The following SERPINA7 variants were observed in gnomAD, a reference collection of about 807,000 sequenced individuals.
SERPINA7 encodes the protein thyroxine-binding globulin.
Under a neutral mutation model 16.0 loss-of-function variants are expected in SERPINA7, and 14 were observed. The ratio of observed to expected loss-of-function variants is 0.88; its 90% CI spans 0.58 to 1.37. The LOEUF (loss-of-function observed/expected upper bound fraction) is 1.37, where lower values mean the gene tolerates loss of function less well. SERPINA7 is among the 40% of genes most tolerant of loss of function. The probability of loss-of-function intolerance (pLI) is 0.00; values close to 1 mark genes in which losing one functional copy is unlikely to be tolerated. For missense variants in SERPINA7, 335 were observed against 296.6 expected (o/e 1.13, Z -0.95); for synonymous variants, 140 against 111.0 (o/e 1.26, Z -1.65).
intron 2 of SERPINA7, 146 bp from the exon 3 acceptor site, chrX:106,035,531 T>A: frequency 1.8e-6 from 1 of 571,158 alleles, no homozygotes; most frequent in Non-Finnish European, 2.8e-6. Context: ...TGACTGAGGA[T>A]CAGGCAGAGA....
chrX:106,036,337 G>T, intron 2 of SERPINA7, 100 bp downstream of exon 2: 1 of 887,675 alleles, frequency 1.1e-6, no homozygotes, highest in Non-Finnish European at 1.6e-6. Flanking sequence ...TGGTATGAGG[G>T]ACACCTACTG....
chrX:106,036,885 A>C lies in SERPINA7; in HGVS notation c.174T>G (p.Thr58=), dbSNP rs778804557. Residue 58 remains threonine, a synonymous_variant, in exon 2 of 5, where the codon ACT becomes ACG. Coordinates refer to ENST00000372563, the MANE Select transcript of SERPINA7 (RefSeq NM_000354.6). ...DFAFNLYRRF[T]VETPDKNIFF... ...AGATGTTCTTATCTGGGGTCTCCAC[A>C]GTGAACCTCCGGTACAGATTGAATG... 1 of 1,211,202 alleles carries C rather than the reference A, an allele frequency of 8.3e-7. No homozygotes were observed. Among genetic ancestry groups the C allele is most frequent in the Non-Finnish European group, 1.1e-6 (1 of 895,100 alleles).
At position 106,033,166 on chromosome X, in the gene SERPINA7, T is replaced by A. The variant is rs1342976561; in HGVS notation, c.*334A>T. The A allele has an allele frequency of 1.1e-5, 3 of 283,712 alleles. No homozygotes were observed. The South Asian group carries it at 1.3e-4, about 12-fold the overall frequency. The allele number at this position is 283,712 out of a possible 1,213,427, so 23.4% of individuals were successfully genotyped here. A position where few individuals can be genotyped will look rare whatever the true frequency, so the allele number is the denominator to read the frequency against. On this transcript the variant is annotated 3_prime_UTR_variant, in exon 5 of 5. Transcript: ENST00000372563. ...CTGGGATACGAAGACCTGACCTGCTTTTTAGCTATTCCCCAGAAGACAGAA... is the reference window on the plus strand; with the variant it reads ...CTGGGATACGAAGACCTGACCTGCTATTTAGCTATTCCCCAGAAGACAGAA...
rs1030273546 is a variant in SERPINA7, at chrX:106,034,473, C to A, written c.897-91G>T. On this transcript the variant is annotated intron_variant, in intron 3 of 4. Coordinates refer to ENST00000372563, the MANE Select transcript of SERPINA7 (RefSeq NM_000354.6). ...TCTCTCATGATGGTATTATATTGGA[C>A]TCTGCTTCTTCCCTGAGTATTGATA... The A allele has an allele frequency of 7.8e-5, 63 of 804,971 alleles. No homozygotes were observed. The African/African-American group carries it at 1.3e-3, about 16-fold the overall frequency. 66.3% of individuals were successfully genotyped at this position (804,971 alleles called of 1,213,427 possible). A position where few individuals can be genotyped will look rare whatever the true frequency, so the allele number is the denominator to read the frequency against.
rs1490972173 is a variant in SERPINA7, at chrX:106,034,980, G to A, written c.896+132C>T. 7.6e-6 allele frequency: 6 copies of A among 784,963 alleles called. No homozygotes were observed. The East Asian group carries it at 1.9e-4, about 25-fold the overall frequency. The allele number at this position is 784,963 out of a possible 1,213,427, so 64.7% of individuals were successfully genotyped here. Reference sequence around the variant, plus strand: ...GGGCCTGGTAGACAGTATTTTCTTGGCATATTCTAGTGATCATACATAGCT... The same window carrying A: ...GGGCCTGGTAGACAGTATTTTCTTGACATATTCTAGTGATCATACATAGCT... On this transcript the variant is annotated intron_variant, in intron 3 of 4. Transcript: ENST00000372563.
At chrX:106,034,955 G>C (rs1470715548) in intron 3 of SERPINA7, among the ~76,000 whole-genome samples, 157 bp downstream of exon 3, 2 of 112,052 alleles carry the variant, frequency 1.8e-5, no homozygotes, top group Non-Finnish European at 3.8e-5. Flanking sequence ...GCCCAGCCAA[G>C]GGCCTGGTAG....
intron 1 of SERPINA7, among the ~76,000 whole-genome samples, chrX:106,037,824 T>C (rs749436243): frequency 2.2e-4 from 25 of 112,068 alleles, no homozygotes; most frequent in Non-Finnish European, 1.5e-4. Context: ...CCTATGCATG[T>C]TACTTTTAAT....
intron 1 of SERPINA7, chrX:106,037,402 C>A (rs899661742): frequency 2.6e-5 from 6 of 226,912 alleles, no homozygotes; most frequent in Non-Finnish European, 4.7e-5. Flanking sequence ...GAACTAGAGG[C>A]AGCCTTTTGG....
In SERPINA7 at chrX:106,032,655, T is replaced by A; in HGVS notation, c.*845A>T. ...TTTGGTAGGTGGTAATGAGTTGGCATGTACAGGTAGAGGGAAGGTTGTTGA... is the reference window on the plus strand; with the variant it reads ...TTTGGTAGGTGGTAATGAGTTGGCAAGTACAGGTAGAGGGAAGGTTGTTGA... On this transcript the variant is annotated 3_prime_UTR_variant, in exon 5 of 5. Transcript: ENST00000372563. 9.0e-6 allele frequency: 1 copy of A among 111,052 alleles called. No individual in the cohort carries two copies. The highest frequency in any genetic ancestry group is 1.9e-5 in the Non-Finnish European group (1 of 52,989). The allele number at this position is 111,052 out of a possible 1,213,427, so 9.2% of individuals were successfully genotyped here.
At chrX:106,034,441 CCTT>C (rs1049061315) in intron 3 of SERPINA7, 59 bp from the exon 4 acceptor site, 2 of 987,302 alleles carry the variant, frequency 2.0e-6, no homozygotes, top group African/African-American at 3.8e-5. Context: ...ATGATTCTCT[CCTT>C]CTCTCTCTCA....
chrX:106,034,307 G>A lies in SERPINA7; in HGVS notation c.972C>T (p.Gly324=), dbSNP rs1285231260. 8.3e-7 allele frequency: 1 copy of A among 1,204,294 alleles called. No individual in the cohort carries two copies. The highest frequency in any genetic ancestry group is 1.1e-6 in the Non-Finnish European group (1 of 888,724). ...YDLGATLLKM[G]IQHAYSENAD... ...CATTTTCAGAATAGGCATGCTGAAT[G>A]CCCATCTTCAAAAGTGTGGCTCCAA... is the stretch of plus-strand genomic sequence containing the variant. Residue 324 remains glycine, a synonymous_variant, in exon 4 of 5, where the codon GGC becomes GGT. Transcript: ENST00000372563.
At chrX:106,033,844 C>G in intron 4 of SERPINA7, 141 bp from the exon 5 acceptor site, 5 of 1,077,521 alleles carry the variant, frequency 4.6e-6, no homozygotes, top group Middle Eastern at 3.6e-4. Context: ...ATGAAGTTTC[C>G]TCTGCTAAAT....
rs779562557 is a variant in SERPINA7 at position 106,033,473 on chromosome X, G to A, written c.*27C>T. On this transcript the variant is annotated 3_prime_UTR_variant, in exon 5 of 5. Coordinates refer to ENST00000372563, the MANE Select transcript of SERPINA7 (RefSeq NM_000354.6). ...TTATTTCCCATTGCAATACACACGT[G>A]CAATTAGCCAATGGCCTTTTTCCCA... 1 of 1,203,596 alleles carries A rather than the reference G, an allele frequency of 8.3e-7. No homozygotes were observed. The highest frequency in any genetic ancestry group is 1.8e-5 in the South Asian group (1 of 56,812).
chrX:106,038,059 C>T (rs1228972822), intron 1 of SERPINA7, among the ~76,000 whole-genome samples: 2 of 111,685 alleles, frequency 1.8e-5, no homozygotes, highest in Non-Finnish European at 3.8e-5. Context: ...GTATCTCTCT[C>T]AGATTGCTCT....
chrX:106,036,305 T>A, intron 2 of SERPINA7, 132 bp downstream of exon 2: 1 of 685,177 alleles, frequency 1.5e-6, no homozygotes, highest in South Asian at 2.4e-5. Flanking sequence ...TTCACAGCTA[T>A]GTCCAGTGGA....
chrX:106,037,317 A>T (rs1569337905), intron 1 of SERPINA7: 3 of 371,076 alleles, frequency 8.1e-6, no homozygotes, highest in Non-Finnish European at 1.4e-5. Context: ...ATGGACTGTC[A>T]TTCAGATGTT....
At position 106,034,982 on chromosome X, in the gene SERPINA7, A is replaced by T. The variant is rs945659870; in HGVS notation, c.896+130T>A. 16 of 798,867 alleles carry T rather than the reference A, an allele frequency of 2.0e-5. No homozygotes were observed. The East Asian group carries it at 5.0e-4, about 25-fold the overall frequency. 65.8% of individuals were successfully genotyped at this position (798,867 alleles called of 1,213,427 possible). A position where few individuals can be genotyped will look rare whatever the true frequency, so the allele number is the denominator to read the frequency against. On this transcript the variant is annotated intron_variant, in intron 3 of 4. Coordinates refer to ENST00000372563, the MANE Select transcript of SERPINA7 (RefSeq NM_000354.6). ...GCCTGGTAGACAGTATTTTCTTGGC[A>T]TATTCTAGTGATCATACATAGCTGT... is the stretch of plus-strand genomic sequence containing the variant.
chrX:106,033,795 G>A, intron 4 of SERPINA7, 92 bp from the exon 5 acceptor site: 3 of 1,201,840 alleles, frequency 2.5e-6, no homozygotes, highest in Non-Finnish European at 2.2e-6. Context: ...GGAAAGGTGG[G>A]GCCGCCCCTT....
chrX:106,038,447 C>A (rs1382558530), intron 1 of SERPINA7, among the ~76,000 whole-genome samples: 1 of 111,313 alleles, frequency 9.0e-6, no homozygotes, highest in Admixed American at 9.6e-5. Context: ...CAGATCACAC[C>A]ATCTCCTATA....
Sources: allele counts gnomAD v4.1 joint callset (sites outside exome capture counted in the v4.1 genomes callset), GRCh38; gene constraint gnomAD v4.1.1; transcripts MANE v1.5; gene names NCBI Gene and HGNC (gene_info 2026-07-23, HGNC 2026-07-21).